Variants in RAB38 observed in about 807,000 individuals in gnomAD.
RAB38 encodes the protein ras-related protein Rab-38.
In RAB38, 15 loss-of-function variants were observed where a neutral mutation model predicts 18.4. The observed-to-expected ratio is 0.82, with a 90% CI of 0.55 to 1.26. The LOEUF (loss-of-function observed/expected upper bound fraction) is 1.26, where lower values mean the gene tolerates loss of function less well. Among genes scored for constraint, RAB38 ranks in the 50% most tolerant of loss-of-function variants. The pLI is 0.00. For synonymous variants in RAB38, 101 were observed against 104.4 expected (o/e 0.97, Z 0.20); for missense variants, 294 against 267.4 (o/e 1.10, Z -0.69).
At chr11:87,976,927 CA>C in the RAB38 span, among the ~76,000 whole-genome samples, 1 of 30 alleles carries the variant, frequency 0.033, no homozygotes, top group Non-Finnish European at 0.1. Flanking sequence ...ATTATAATTA[CA>C]TTATACAAGT....
the RAB38 span, among the ~76,000 whole-genome samples, chr11:87,878,196 G>A: frequency 2.6e-5 from 3 of 113,790 alleles, no homozygotes; most frequent in African/African-American, 1.4e-4. Flanking sequence ...TGCCTAATAT[G>A]TGCTAAACAT....
chr11:87,827,313 G>C, the RAB38 span, among the ~76,000 whole-genome samples: 1 of 150,960 alleles, frequency 6.6e-6, no homozygotes, highest in Non-Finnish European at 1.5e-5. Flanking sequence ...CTTTTGGCTG[G>C]CTTTTATGAC....
the RAB38 span, among the ~76,000 whole-genome samples, chr11:88,052,901 C>CATAT: frequency 0.037 from 771 of 21,006 alleles, 6 homozygotes; most frequent in South Asian, 0.078. Context: ...GAAAAAATTT[C>CATAT]ATATATATAT....
the RAB38 span, among the ~76,000 whole-genome samples, chr11:87,911,823 A>G: frequency 6.6e-6 from 1 of 152,118 alleles, no homozygotes; most frequent in Admixed American, 6.5e-5. Flanking sequence ...ATTCAGTTTC[A>G]TTAATAACTG....
rs759869486 is a variant in RAB38, at chr11:88,175,293, T to C, written c.92A>G (p.His31Arg). 5.0e-6 allele frequency: 8 copies of C among 1,614,204 alleles called. No individual in the cohort carries two copies. In the East Asian group the frequency reaches 1.6e-4, roughly 31 times the overall value. Reference sequence around the variant, plus strand: ...CCGGTAGTGCGAAGAGAAGTTCTGGTGCACGTAGCGCTTGATGATACTGGT... The same window carrying C: ...CCGGTAGTGCGAAGAGAAGTTCTGGCGCACGTAGCGCTTGATGATACTGGT... Reference protein sequence around the residue: ...GKTSIIKRYVHQNFSSHYRAT... With the variant: ...GKTSIIKRYVRQNFSSHYRAT... The change falls in exon 1 of 3, where the codon CAC becomes CGC. Residue 31 changes from histidine (H) to arginine (R), a missense_variant. Coordinates refer to ENST00000243662, the MANE Select transcript of RAB38 (RefSeq NM_022337.3).
the RAB38 span, among the ~76,000 whole-genome samples, chr11:88,094,482 C>T: frequency 6.6e-6 from 1 of 151,922 alleles, no homozygotes; most frequent in African/African-American, 2.4e-5. Context: ...ATCCTTTGAT[C>T]CCACCTGTGC....
At chr11:88,105,148 AAATT>A in the RAB38 span, among the ~76,000 whole-genome samples, 1 of 152,284 alleles carries the variant, frequency 6.6e-6, no homozygotes, top group African/African-American at 2.4e-5. Flanking sequence ...ACATGTATAT[AAATT>A]AATATACACC....
the RAB38 span, among the ~76,000 whole-genome samples, chr11:87,851,153 T>C: frequency 6.6e-6 from 1 of 152,200 alleles, no homozygotes; most frequent in Non-Finnish European, 1.5e-5. Flanking sequence ...CAAATGAGTA[T>C]AATAATTAGA....
the RAB38 span, among the ~76,000 whole-genome samples, chr11:88,095,743 A>C: frequency 6.6e-6 from 1 of 151,856 alleles, no homozygotes; most frequent in Non-Finnish European, 1.5e-5. Context: ...TCTCAAATTT[A>C]ACAAGCCCCA....
the RAB38 span, among the ~76,000 whole-genome samples, chr11:87,976,406 T>C: frequency 0.3 from 40,659 of 136,928 alleles, 6,851 homozygotes; most frequent in Non-Finnish European, 0.38. Flanking sequence ...CATATTTATA[T>C]ATTTATATAT....
At chr11:88,062,986 A>T in the RAB38 span, among the ~76,000 whole-genome samples, 3 of 152,208 alleles carry the variant, frequency 2.0e-5, no homozygotes, top group South Asian at 6.2e-4. Context: ...TATATGTTGG[A>T]AATTCTCCAA....
the RAB38 span, among the ~76,000 whole-genome samples, chr11:87,893,372 A>ATGTATATATATATACATATATTTATATG: frequency 3.5e-5 from 1 of 28,442 alleles, no homozygotes; most frequent in East Asian, 2.5e-3. Flanking sequence ...TATATTTTAC[A>ATGTATATATATATACATATATTTATATG]TATATATATA....
At chr11:87,947,829 G>GTT in the RAB38 span, among the ~76,000 whole-genome samples, 3 of 152,178 alleles carry the variant, frequency 2.0e-5, no homozygotes, top group Non-Finnish European at 4.4e-5. Flanking sequence ...GTAGCGTGAT[G>GTT]CCTCCCAGCT....
the RAB38 span, among the ~76,000 whole-genome samples, chr11:87,885,715 T>A: frequency 1.3e-5 from 2 of 151,972 alleles, no homozygotes; most frequent in Non-Finnish European, 2.9e-5. Flanking sequence ...ATGAACCTCA[T>A]TTTTGTTTCT....
the RAB38 span, among the ~76,000 whole-genome samples, chr11:87,860,303 C>T: frequency 1.3e-5 from 2 of 151,948 alleles, no homozygotes; most frequent in African/African-American, 4.8e-5. Context: ...GGAAAAAAAT[C>T]TCTTAACTTA....
the RAB38 span, among the ~76,000 whole-genome samples, chr11:87,945,980 T>C: frequency 6.6e-6 from 1 of 152,150 alleles, no homozygotes; most frequent in African/African-American, 2.4e-5. Flanking sequence ...TGCACTGTGA[T>C]GGCCCTTTTC....
chr11:87,934,888 G>T, the RAB38 span, among the ~76,000 whole-genome samples: 636 of 152,164 alleles, frequency 4.2e-3, 6 homozygotes, highest in African/African-American at 0.014. Context: ...GGAAGAGATG[G>T]GGCAGCGATG....
chr11:88,175,184 T>G lies in RAB38; in HGVS notation c.201A>C (p.Ala67=). 6.2e-7 allele frequency: 1 copy of G among 1,603,114 alleles called. No homozygotes were observed. Among genetic ancestry groups the G allele is most frequent in the Non-Finnish European group, 8.5e-7 (1 of 1,174,054 alleles). Residue 67 remains alanine (A), a splice_region_variant and synonymous_variant, in exon 1 of 3, where the codon GCA becomes GCC. Coordinates refer to ENST00000243662, the MANE Select transcript of RAB38 (RefSeq NM_022337.3). ...TVVRLQLWDI[A]GQERFGNMTR... is the part of the protein sequence containing the mutation. ...CTGACCCCCTCCCCCCGCGCTCACC[T>G]GCGATATCCCAGAGCTGCAGGCGCA...
the RAB38 span, among the ~76,000 whole-genome samples, chr11:88,089,835 T>G: frequency 6.6e-6 from 1 of 151,966 alleles, no homozygotes; most frequent in Admixed American, 6.6e-5. Flanking sequence ...GATTTGATTT[T>G]AAGGGTTGAT....
Sources: gnomAD v4.1 joint callset for allele counts (sites outside exome capture counted in the v4.1 genomes callset) on GRCh38, gnomAD v4.1.1 for gene constraint, MANE v1.5 for transcripts, NCBI Gene and HGNC (gene_info 2026-07-23, HGNC 2026-07-21) for gene names.